The following EPRS1 variants were observed in gnomAD, a reference collection of about 807,000 sequenced individuals.
The protein encoded by EPRS1 is glutamyl-prolyl-tRNA synthetase 1, also known as bifunctional glutamate/proline--tRNA ligase.
Under a neutral mutation model 188.3 loss-of-function variants are expected in EPRS1, and 107 were observed. The ratio of observed to expected loss-of-function variants is 0.57; its 90% CI spans 0.49 to 0.67. The LOEUF is 0.67. Ranked by LOEUF, EPRS1 falls within the 30% of genes least tolerant of loss-of-function variation. The probability of loss-of-function intolerance (pLI) is 0.00; values close to 1 mark genes in which losing one functional copy is unlikely to be tolerated. For synonymous variants in EPRS1, 596 were observed against 593.1 expected, an observed-to-expected ratio of 1.00 and a Z score of -0.07; for missense variants, 1,577 against 1,802.2, an observed-to-expected ratio of 0.88 and a Z score of 2.26.
chr1:220,003,123 A>G (rs909904305), intron 16 of EPRS1, among the ~76,000 whole-genome samples: 4 of 152,132 alleles, frequency 2.6e-5, no homozygotes, highest in African/African-American at 9.7e-5. Context: ...CAATTTCTCC[A>G]CATTTCTAAC....
At chr1:220,038,287 G>A (rs1452490871) in intron 2 of EPRS1, among the ~76,000 whole-genome samples, 3 of 151,786 alleles carry the variant, frequency 2.0e-5, no homozygotes, top group African/African-American at 4.8e-5. Flanking sequence ...TCTCCATGTT[G>A]GTCAGGCTGG....
chr1:220,016,770 G>A (rs1366240939), intron 12 of EPRS1, among the ~76,000 whole-genome samples: 1 of 148,854 alleles, frequency 6.7e-6, no homozygotes, highest in East Asian at 2.0e-4. Context: ...GCAAATGAGA[G>A]GGAGAGACAA....
intron 18 of EPRS1, among the ~76,000 whole-genome samples, chr1:219,995,575 GT>G (rs144450033): frequency 0.019 from 2,958 of 152,280 alleles, 88 homozygotes; most frequent in African/African-American, 0.06. Flanking sequence ...AAGCAAAGCT[GT>G]TTTAGATAAT....
At chr1:219,998,287 A>C (rs1426757159) in intron 17 of EPRS1, among the ~76,000 whole-genome samples, 1 of 152,048 alleles carries the variant, frequency 6.6e-6, no homozygotes, top group Non-Finnish European at 1.5e-5. Flanking sequence ...ATCTTTACCT[A>C]GACACTTAAC....
chr1:220,030,492 AACC>A lies in EPRS1; in HGVS notation c.529-15_529-13del. ...TTTTTCTCAGGTGCCTGAAAAACAC[AACC>A]ACCATCACAACAAAAAGTCTTATGG... is the stretch of plus-strand genomic sequence containing the variant. On this transcript the variant is annotated splice_polypyrimidine_tract_variant and intron_variant, in intron 5 of 31. Coordinates refer to ENST00000366923, the MANE Select transcript of EPRS1 (RefSeq NM_004446.3). 6.2e-7 allele frequency: 1 copy of A among 1,600,998 alleles called. No homozygotes were observed. Among genetic ancestry groups the A allele is most frequent in the East Asian group, 2.2e-5 (1 of 44,790 alleles).
intron 9 of EPRS1, among the ~76,000 whole-genome samples, chr1:220,020,827 TATATATATA>T (rs1558057804): frequency 0.04 from 94 of 2,362 alleles, 2 homozygotes; most frequent in African/African-American, 0.092. Flanking sequence ...TTTGAATTTA[TATATATATA>T]TATATATATA....
At chr1:220,019,159 T>C (rs1194209153) in intron 10 of EPRS1, 80 bp from the exon 11 acceptor site, 18 of 860,876 alleles carry the variant, frequency 2.1e-5, no homozygotes, top group South Asian at 2.0e-4. Flanking sequence ...TAATCAATAA[T>C]AAATCATATT....
At chr1:220,022,581 G>T in intron 8 of EPRS1, 63 bp from the exon 9 acceptor site, 1 of 1,255,668 alleles carries the variant, frequency 8.0e-7, no homozygotes, top group Non-Finnish European at 1.1e-6. Flanking sequence ...TTCTCATAGT[G>T]CTATAATTTG....
chr1:220,006,102 T>C lies in EPRS1; in HGVS notation c.1950+4A>G. 1.3e-6 allele frequency: 2 copies of C among 1,527,388 alleles called. No homozygotes were observed. Among genetic ancestry groups the C allele is most frequent in the Non-Finnish European group, 8.9e-7 (1 of 1,127,400 alleles). 94.6% of individuals were successfully genotyped at this position (1,527,388 alleles called of 1,614,324 possible). On this transcript the variant is annotated splice_donor_region_variant and intron_variant, in intron 15 of 31. Coordinates refer to ENST00000366923, the MANE Select transcript of EPRS1 (RefSeq NM_004446.3). Reference sequence around the variant, plus strand: ...GGTGAAATATGGTTTCTTTGGAAGGTTACCTTACTGTTCTTGTTGACATAC... The same window carrying C: ...GGTGAAATATGGTTTCTTTGGAAGGCTACCTTACTGTTCTTGTTGACATAC...
intron 13 of EPRS1, 116 bp downstream of exon 13, chr1:220,010,830 G>T: frequency 1.4e-5 from 9 of 627,408 alleles, no homozygotes; most frequent in African/African-American, 5.7e-5. Context: ...AAAAAAGAAA[G>T]AAAGAAAGAA....
chr1:220,041,003 T>C (rs542287083), intron 1 of EPRS1, among the ~76,000 whole-genome samples: 6 of 152,066 alleles, frequency 3.9e-5, no homozygotes, highest in Non-Finnish European at 7.4e-5. Flanking sequence ...CCAAATGCTT[T>C]ACAGTTAGAA....
At chr1:219,990,122 G>GA (rs71560596) in intron 18 of EPRS1, among the ~76,000 whole-genome samples, 6,886 of 111,794 alleles carry the variant, frequency 0.062, 483 homozygotes, top group African/African-American at 0.19. Context: ...TTTTCACACG[G>GA]AAAAAAAAAA....
intron 26 of EPRS1, 28 bp downstream of exon 26, chr1:219,980,057 C>CTACG (rs774011588): frequency 1.9e-6 from 3 of 1,605,090 alleles, no homozygotes; most frequent in Non-Finnish European, 2.6e-6. Flanking sequence ...TTACAGTGAC[C>CTACG]TACGAATCCT....
Position 220,006,372 on chromosome 1 carries a change from T to C in EPRS1, c.1743-59A>G, listed in dbSNP as rs1012610271. On this transcript the variant is annotated intron_variant, in intron 14 of 31. Coordinates refer to ENST00000366923, the MANE Select transcript of EPRS1 (RefSeq NM_004446.3). The stretch of plus-strand genomic sequence containing the variant: ...TTAACCACAGCTGCCATAAATTCAT[T>C]ATTTTGTTCTATAATAATTTTATAT... 4.8e-5 allele frequency: 26 copies of C among 542,898 alleles called. No homozygotes were observed. The African/African-American group carries it at 5.1e-4, about 11-fold the overall frequency. 33.6% of individuals were successfully genotyped at this position (542,898 alleles called of 1,614,324 possible). A position where few individuals can be genotyped will look rare whatever the true frequency, so the allele number is the denominator to read the frequency against.
intron 28 of EPRS1, among the ~76,000 whole-genome samples, chr1:219,973,991 T>C (rs1660726578): frequency 6.6e-6 from 1 of 152,138 alleles, no homozygotes; most frequent in Non-Finnish European, 1.5e-5. Context: ...TTGACCAGAC[T>C]GGAGTGCAGT....
At chr1:220,008,949 T>C (rs1488848394) in intron 13 of EPRS1, among the ~76,000 whole-genome samples, 1 of 152,210 alleles carries the variant, frequency 6.6e-6, no homozygotes, top group Non-Finnish European at 1.5e-5. Flanking sequence ...GTGCTAGGAT[T>C]ACAGGCATAA....
Position 220,001,141 on chromosome 1 carries a change from A to AT in EPRS1, c.2177dup (p.Asn726LysfsTer2). 1 of 1,585,634 alleles carries AT rather than the reference A, an allele frequency of 6.3e-7. No individual in the cohort carries two copies. Among genetic ancestry groups the AT allele is most frequent in the Non-Finnish European group, 8.7e-7 (1 of 1,154,040 alleles). On this transcript the variant is annotated frameshift_variant, in exon 17 of 32. Transcript: ENST00000366923. LOFTEE classifies it high-confidence loss of function. ...ACATATCCGTAAAAGTCATTACCTCATTTTTTGTGGCTTCTACTTTGGTCT... is the reference window on the plus strand; with the variant it reads ...ACATATCCGTAAAAGTCATTACCTCATTTTTTTGTGGCTTCTACTTTGGTCT...
At position 220,033,519 on chromosome 1, in the gene EPRS1, A is replaced by G; in HGVS notation, c.371T>C (p.Val124Ala). ...ATTGATACCTTTTAGGGTGGCCCAA[A>G]CACATAAATCTGCTAAACTCAAGGA... ...GNSLSLADLCVWATLKGNAAW... is the reference protein window; with the variant it reads ...GNSLSLADLCAWATLKGNAAW... Residue 124 changes from valine to alanine, a missense_variant, in exon 4 of 32, where the codon GTT (valine) becomes GCT (alanine). Physicochemically the swap from Val to Ala is moderately conservative, Grantham distance 64. This residue lies in a region of EPRS1 where 1,278 missense variants were observed against 1,457.4 expected (regional missense o/e 0.88). Transcript: ENST00000366923. The G allele has an allele frequency of 6.2e-7, 1 of 1,610,048 alleles. No individual in the cohort carries two copies. Among genetic ancestry groups the G allele is most frequent in the Non-Finnish European group, 8.5e-7 (1 of 1,178,214 alleles).
intron 28 of EPRS1, among the ~76,000 whole-genome samples, chr1:219,976,740 C>T (rs2102561232): frequency 6.6e-6 from 1 of 152,128 alleles, no homozygotes; most frequent in East Asian, 1.9e-4. Flanking sequence ...GAGAAAACGG[C>T]ATATGAAAGG....
Sources: gnomAD v4.1 joint callset for allele counts (sites outside exome capture counted in the v4.1 genomes callset) on GRCh38, gnomAD v4.1.1 for gene constraint, gnomAD v4.1.1 regional missense constraint, MANE v1.5 for transcripts, NCBI Gene and HGNC (gene_info 2026-07-23, HGNC 2026-07-21) for gene names.